The following FBXL13 variants were observed in gnomAD, a reference collection of about 807,000 sequenced individuals.
FBXL13 encodes the protein F-box and leucine rich repeat protein 13.
A neutral mutation model predicts 83.6 loss-of-function variants in FBXL13; 67 were observed. The observed-to-expected ratio is 0.80, with a 90% CI of 0.66 to 0.98. The LOEUF is 0.98. Among genes scored for constraint, FBXL13 ranks in the 50% least tolerant of loss-of-function variants. The probability of loss-of-function intolerance (pLI) is 0.00; values close to 1 mark genes in which losing one functional copy is unlikely to be tolerated. For missense variants in FBXL13, 822 were observed against 866.5 expected (o/e 0.95, Z 0.64); for synonymous variants, 272 against 299.5 (o/e 0.91, Z 0.95).
chr7:103,046,304 G>A (rs570985486), intron 2 of FBXL13, among the ~76,000 whole-genome samples: 20 of 152,326 alleles, frequency 1.3e-4, no homozygotes, highest in Non-Finnish European at 2.5e-4. Flanking sequence ...AGAATTTAAA[G>A]TCTGTTGTGT....
chr7:103,054,644 C>T (rs1313734557), intron 2 of FBXL13, among the ~76,000 whole-genome samples: 2 of 152,112 alleles, frequency 1.3e-5, no homozygotes, highest in Non-Finnish European at 2.9e-5. Flanking sequence ...TTGGTCATGT[C>T]ATTACGAGCA....
At chr7:102,913,997 T>C (rs1815297465) in intron 10 of FBXL13, among the ~76,000 whole-genome samples, 1 of 152,196 alleles carries the variant, frequency 6.6e-6, no homozygotes, top group Non-Finnish European at 1.5e-5. Flanking sequence ...AGGATGAGCC[T>C]GTACTACCAT....
chr7:102,823,131 G>T (rs978624049), intron 18 of FBXL13, among the ~76,000 whole-genome samples: 5 of 152,052 alleles, frequency 3.3e-5, no homozygotes, highest in Non-Finnish European at 5.9e-5. Flanking sequence ...AGAGTCCTCT[G>T]GTTTGGATGG....
chr7:102,822,386 C>A, intron 18 of FBXL13, 183 bp from the exon 20 acceptor site: 1 of 704,102 alleles, frequency 1.4e-6, no homozygotes, highest in South Asian at 1.5e-5. Flanking sequence ...GAGGTACCTG[C>A]AATTGGTGTC....
At chr7:103,015,813 G>T (rs866301284) in intron 6 of FBXL13, among the ~76,000 whole-genome samples, 1 of 61,456 alleles carries the variant, frequency 1.6e-5, no homozygotes, top group Non-Finnish European at 3.6e-5. Flanking sequence ...AAAAAAAAAA[G>T]CAATGTACAA....
intron 2 of FBXL13, among the ~76,000 whole-genome samples, chr7:103,047,481 A>G (rs777299722): frequency 1.5e-4 from 23 of 152,212 alleles, no homozygotes; most frequent in Non-Finnish European, 3.2e-4. Flanking sequence ...TTCAAATTGT[A>G]TATCTAATCA....
intron 18 of FBXL13, among the ~76,000 whole-genome samples, chr7:102,823,816 T>C (rs1799156974): frequency 6.6e-6 from 1 of 152,212 alleles, no homozygotes. Flanking sequence ...AAAAGAGACG[T>C]TGCCATTGTC....
Position 102,980,756 on chromosome 7 carries a change from G to A in FBXL13, c.496-12639C>T, listed in dbSNP as rs531164752. On this transcript the variant is annotated intron_variant, in intron 6 of 19. Transcript: ENST00000313221. ...CGTGCCACTGCACTCCAGCCTGGGCGACAGAGCGAGACTCCATCTCAAAAA... is the reference window on the plus strand; with the variant it reads ...CGTGCCACTGCACTCCAGCCTGGGCAACAGAGCGAGACTCCATCTCAAAAA... Among the ~76,000 whole-genome samples, 8 of 151,282 alleles carry A rather than the reference G, an allele frequency of 5.3e-5. No homozygotes were observed. In the South Asian group the frequency reaches 8.3e-4, roughly 16 times the overall value.
At chr7:102,859,366 C>T (rs1806486429) in intron 16 of FBXL13, among the ~76,000 whole-genome samples, 1 of 151,996 alleles carries the variant, frequency 6.6e-6, no homozygotes, top group African/African-American at 2.4e-5. Flanking sequence ...GTGAAACACA[C>T]TATTTCAGGC....
intron 16 of FBXL13, among the ~76,000 whole-genome samples, chr7:102,867,708 T>A (rs1186314707): frequency 2.4e-4 from 31 of 126,722 alleles, no homozygotes; most frequent in African/African-American, 8.5e-4. Flanking sequence ...TTTTTTTTTT[T>A]TTTTTTTTTT....
intron 10 of FBXL13, among the ~76,000 whole-genome samples, chr7:102,921,354 T>C (rs1584945871): frequency 6.6e-6 from 1 of 152,128 alleles, no homozygotes; most frequent in East Asian, 1.9e-4. Flanking sequence ...CAAGAATTTA[T>C]ATGTATATAC....
chr7:102,927,582 G>C (rs1043352196), intron 9 of FBXL13, among the ~76,000 whole-genome samples: 4 of 152,108 alleles, frequency 2.6e-5, no homozygotes, highest in African/African-American at 9.7e-5. Flanking sequence ...GATTTACAGG[G>C]GCAGCAAACC....
chr7:102,834,081 G>GAAGGA (rs1801273815), intron 17 of FBXL13, among the ~76,000 whole-genome samples: 11 of 84,916 alleles, frequency 1.3e-4, no homozygotes, highest in Admixed American at 1.3e-4. Flanking sequence ...AGGAAGGAAG[G>GAAGGA]AAAGAAAAGA....
At chr7:102,983,624 C>A (rs995615872) in intron 6 of FBXL13, among the ~76,000 whole-genome samples, 1 of 151,792 alleles carries the variant, frequency 6.6e-6, no homozygotes, top group African/African-American at 2.4e-5. Context: ...TTCACCATGT[C>A]GGCCGGGGCT....
At chr7:102,825,425 G>A (rs1277719854) in intron 18 of FBXL13, among the ~76,000 whole-genome samples, 2 of 152,202 alleles carry the variant, frequency 1.3e-5, no homozygotes, top group Non-Finnish European at 2.9e-5. Flanking sequence ...GAATTCTGCA[G>A]AGAGTCCTTG....
chr7:102,865,331 T>C (rs1293225956), intron 16 of FBXL13, among the ~76,000 whole-genome samples: 1 of 152,258 alleles, frequency 6.6e-6, no homozygotes, highest in African/African-American at 2.4e-5. Flanking sequence ...ACAAAAGTTA[T>C]ACTTGGAAAT....
downstream of FBXL13, among the ~76,000 whole-genome samples, chr7:102,812,762 A>G (rs116982023): frequency 9.9e-3 from 1,489 of 150,778 alleles, 11 homozygotes; most frequent in Non-Finnish European, 0.017. Flanking sequence ...ATAACTGTAG[A>G]TTTTATAATC....
chr7:102,944,515 T>A (rs1351796463), intron 8 of FBXL13: 1 of 1,613,912 alleles, frequency 6.2e-7, no homozygotes, highest in Non-Finnish European at 8.5e-7. Flanking sequence ...TCCTGAGTCA[T>A]TTGACCAAGA....
rs569941424 is a variant in FBXL13, at chr7:102,955,108, C to A, written c.724+8425G>T. Among the ~76,000 whole-genome samples the A allele has an allele frequency of 3.3e-4, 51 of 152,276 alleles. 1 individual carries two copies. The South Asian group carries it at 0.011, about 32-fold the overall frequency. ...ATATACATTCTTCTCAGCACCACAT[C>A]GCACTTATTCTAAAATTGACCACAT... On this transcript the variant is annotated intron_variant, in intron 8 of 19. Transcript: ENST00000313221.
Sources: gnomAD v4.1 joint callset for allele counts (sites outside exome capture counted in the v4.1 genomes callset) on GRCh38, gnomAD v4.1.1 for gene constraint, MANE v1.5 for transcripts, NCBI Gene and HGNC (gene_info 2026-07-23, HGNC 2026-07-21) for gene names.